Variants in ZNF185 observed in about 807,000 individuals in gnomAD.
ZNF185 encodes the protein zinc finger protein 185 with LIM domain.
ZNF185 carries 56 observed loss-of-function variants against 58.6 expected under a neutral mutation model. The observed-to-expected ratio is 0.95, with a 90% confidence interval of 0.77 to 1.19. The LOEUF (loss-of-function observed/expected upper bound fraction) is 1.19. Among genes scored for constraint, ZNF185 ranks in the 50% most tolerant of loss-of-function variants. The probability of loss-of-function intolerance (pLI) is 0.00; values close to 1 mark genes in which losing one functional copy is unlikely to be tolerated. For synonymous variants in ZNF185, 230 were observed against 215.9 expected, an observed-to-expected ratio of 1.07 and a Z score of -0.57; for missense variants, 627 against 573.5, an observed-to-expected ratio of 1.09 and a Z score of -0.95.
the ZNF185 span, among the ~76,000 whole-genome samples, chrX:152,903,427 AAAAG>A: frequency 9.3e-6 from 1 of 108,097 alleles, no homozygotes; most frequent in East Asian, 2.8e-4. Context: ...AAAAGGAAAA[AAAAG>A]AAAGAAAGAA....
chrX:152,925,406 C>T (rs782383064), intron 11 of ZNF185, among the ~76,000 whole-genome samples: 1 of 112,484 alleles, frequency 8.9e-6, no homozygotes, highest in South Asian at 3.7e-4. Context: ...AAATTCCTTT[C>T]GATGTTTAAT....
chrX:152,951,149 G>C (rs910559775), intron 16 of ZNF185, among the ~76,000 whole-genome samples: 1 of 104,784 alleles, frequency 9.5e-6, no homozygotes, highest in Non-Finnish European at 1.9e-5. Context: ...GCAGTCGCGC[G>C]ATCACCATGT....
chrX:152,929,183 T>C (rs1350909793), intron 12 of ZNF185, among the ~76,000 whole-genome samples: 1 of 110,722 alleles, frequency 9.0e-6, no homozygotes, highest in Admixed American at 9.6e-5. Flanking sequence ...TGGGTCAGAG[T>C]CCACAGCTCT....
chrX:152,941,931 C>T (rs1342021207), intron 15 of ZNF185: 1 of 1,022,847 alleles, frequency 9.8e-7, no homozygotes, highest in African/African-American at 2.0e-5. Context: ...AACGGGGCCC[C>T]TGCGGCTTGA....
intron 7 of ZNF185, 69 bp from the exon 9 acceptor site, chrX:152,920,259 C>A: frequency 8.9e-7 from 1 of 1,122,544 alleles, no homozygotes; most frequent in Non-Finnish European, 1.2e-6. Flanking sequence ...GAGTCCATCC[C>A]AGGCTAGGCT....
At chrX:152,900,662 C>T in the ZNF185 span, among the ~76,000 whole-genome samples, 1 of 112,780 alleles carries the variant, frequency 8.9e-6, no homozygotes, top group Admixed American at 9.3e-5. Flanking sequence ...GGGACCAGTC[C>T]CTGAGAGATG....
chrX:152,936,211 T>C (rs2046261641), intron 14 of ZNF185, among the ~76,000 whole-genome samples: 1 of 112,795 alleles, frequency 8.9e-6, no homozygotes, highest in Non-Finnish European at 1.9e-5. Context: ...AGCAAAGCCA[T>C]GATTTGCAAC....
chrX:152,911,544 G>C (rs1937188305), upstream of ZNF185, among the ~76,000 whole-genome samples: 1 of 109,254 alleles, frequency 9.2e-6, no homozygotes, highest in Non-Finnish European at 1.9e-5. Flanking sequence ...CCTAGACCAG[G>C]GCAAATTGGA....
In ZNF185 at chrX:152,917,324, C is replaced by G. The variant is rs782140472; in HGVS notation, c.303C>G (p.Pro101=). Reference sequence around the variant, plus strand: ...AGCCCATAGACAGCTCTTCCCAGCCCCAGCAGCAGTTCCCCAAGGCCAACG... The same window carrying G: ...AGCCCATAGACAGCTCTTCCCAGCCGCAGCAGCAGTTCCCCAAGGCCAACG... The change falls in exon 5 of 23, where the codon CCC becomes CCG. Residue 101 remains proline (P), a synonymous_variant. Transcript: ENST00000449285. 5 of 1,211,860 alleles carry G rather than the reference C, an allele frequency of 4.1e-6. No individual in the cohort carries two copies. In the South Asian group the frequency reaches 7.0e-5, roughly 17 times the overall value.
chrX:152,963,797 C>T lies in ZNF185; in HGVS notation c.1608-42C>T, dbSNP rs184635519. 2.0e-4 allele frequency: 230 copies of T among 1,159,875 alleles called. No homozygotes were observed. In the African/African-American group the frequency reaches 3.7e-3, roughly 19 times the overall value. On this transcript the variant is annotated intron_variant, in intron 17 of 22. Transcript: ENST00000449285. ...CCTGTTTGACCCTGGAAGGTGTCAG[C>T]TCCCAGGTTGACGTGCCCACCCCTC...
At chrX:152,954,285 A>G (rs1238606222) in intron 16 of ZNF185, among the ~76,000 whole-genome samples, 5 of 111,038 alleles carry the variant, frequency 4.5e-5, no homozygotes, top group Non-Finnish European at 9.4e-5. Context: ...GCCGGTTCTC[A>G]GGAGAAGCTG....
intron 21 of ZNF185, among the ~76,000 whole-genome samples, chrX:152,970,131 G>A (rs2050533632): frequency 9.0e-6 from 1 of 111,205 alleles, no homozygotes; most frequent in Admixed American, 9.5e-5. Context: ...CCTGAGAACC[G>A]GCTGACCACA....
At chrX:152,938,217 G>A (rs193238890) in intron 15 of ZNF185, 54 bp downstream of exon 17, 17 of 1,108,058 alleles carry the variant, frequency 1.5e-5, no homozygotes, top group South Asian at 8.0e-5. Context: ...GGCAGCTTGG[G>A]CTGTGTGTCC....
intron 11 of ZNF185, among the ~76,000 whole-genome samples, chrX:152,923,173 C>T (rs1470785936): frequency 1.8e-5 from 2 of 112,060 alleles, no homozygotes; most frequent in African/African-American, 3.2e-5. Context: ...CTCTGTAGCA[C>T]CCTTGGAAGA....
rs782475335 is a variant in ZNF185, at chrX:152,969,413, C to T, written c.1903C>T (p.Arg635Cys). 9.9e-6 allele frequency: 12 copies of T among 1,206,586 alleles called. No homozygotes were observed. In the South Asian group the frequency reaches 1.3e-4, roughly 13 times the overall value. The change falls in exon 21 of 23, where the codon CGT becomes TGT. Residue 635 changes from arginine to cysteine, a missense_variant. Coordinates refer to ENST00000449285, the Ensembl canonical transcript of ZNF185. ...TGGAGGGATCTGTACTTACTGCAAC[C>T]GTGAGATCCGAGACTGTCCAAAGAT...
chrX:152,923,313 A>G (rs1556870763), intron 11 of ZNF185, among the ~76,000 whole-genome samples: 1 of 111,907 alleles, frequency 8.9e-6, no homozygotes, highest in East Asian at 2.8e-4. Context: ...TAGACAGGTG[A>G]CCACTGTCCT....
At chrX:152,912,458 A>T (rs782398270), upstream of ZNF185, among the ~76,000 whole-genome samples, 1 of 112,015 alleles carries the variant, frequency 8.9e-6, no homozygotes, top group African/African-American at 3.2e-5. Context: ...CTTCTAGGCA[A>T]TGTGGCCATC....
intron 2 of ZNF185, 130 bp downstream of exon 3, chrX:152,914,963 C>T (rs1938111234): frequency 8.9e-6 from 9 of 1,010,805 alleles, no homozygotes; most frequent in Non-Finnish European, 8.0e-6. Flanking sequence ...GAGGGCAGAG[C>T]GTGGGAAAGG....
At chrX:152,900,625 A>T in the ZNF185 span, among the ~76,000 whole-genome samples, 1 of 112,790 alleles carries the variant, frequency 8.9e-6, no homozygotes, top group Non-Finnish European at 1.9e-5. Flanking sequence ...GAACCGGCTG[A>T]TGCCAAGACA....
Sources: allele counts gnomAD v4.1 joint callset (sites outside exome capture counted in the v4.1 genomes callset), GRCh38; gene constraint gnomAD v4.1.1; transcripts MANE v1.5; gene names NCBI Gene and HGNC (gene_info 2026-07-23, HGNC 2026-07-21).